Variants in MYO3B observed in about 807,000 individuals in gnomAD.
MYO3B encodes the protein myosin IIIB.
MYO3B carries 156 observed loss-of-function variants against 174.6 expected under a neutral mutation model. The observed-to-expected ratio is 0.89, with a 90% confidence interval of 0.78 to 1.02. The LOEUF (loss-of-function observed/expected upper bound fraction) is 1.02, where lower values mean the gene tolerates loss of function less well. MYO3B is among the 50% of genes least tolerant of loss of function. The probability of loss-of-function intolerance (pLI) is 0.00; values close to 1 mark genes in which losing one functional copy is unlikely to be tolerated. For synonymous variants in MYO3B, 563 were observed against 569.1 expected, an observed-to-expected ratio of 0.99 and a Z score of 0.15; for missense variants, 1,632 against 1,639.4, an observed-to-expected ratio of 1.00 and a Z score of 0.08.
At chr2:170,519,972 CA>C (rs11315187) in intron 30 of MYO3B, 18,740 of 92,394 alleles carry the variant, frequency 0.2, 1,521 homozygotes, top group African/African-American at 0.36. Context: ...GACTCTGTCT[CA>C]AAAAAAAAAA....
chr2:170,565,027 A>G (rs531232392), intron 32 of MYO3B, among the ~76,000 whole-genome samples: 6 of 152,320 alleles, frequency 3.9e-5, no homozygotes, highest in Non-Finnish European at 8.8e-5. Context: ...CTCCTTTAGA[A>G]AGAAATTGAC....
intron 21 of MYO3B, among the ~76,000 whole-genome samples, chr2:170,406,850 T>C (rs1453934283): frequency 1.3e-5 from 2 of 152,194 alleles, no homozygotes; most frequent in African/African-American, 4.8e-5. Context: ...CTGGATCCCC[T>C]CTGTTCTGAG....
At chr2:170,388,088 T>C (rs1417099772) in intron 14 of MYO3B, among the ~76,000 whole-genome samples, 1 of 152,020 alleles carries the variant, frequency 6.6e-6, no homozygotes, top group African/African-American at 2.4e-5. Context: ...GCTATTATTA[T>C]TATTGTAGGA....
At chr2:170,478,351 G>A (rs1685440620) in intron 25 of MYO3B, among the ~76,000 whole-genome samples, 1 of 152,026 alleles carries the variant, frequency 6.6e-6, no homozygotes, top group Non-Finnish European at 1.5e-5. Flanking sequence ...AAGAATACGG[G>A]ATGAATGAAT....
intron 32 of MYO3B, among the ~76,000 whole-genome samples, chr2:170,610,944 C>G (rs1435917051): frequency 5.9e-5 from 9 of 152,104 alleles, no homozygotes; most frequent in Non-Finnish European, 1.3e-4. Flanking sequence ...TTCTCCAAAG[C>G]TATACTATCA....
At chr2:170,237,317 C>A (rs1163924953) in intron 7 of MYO3B, among the ~76,000 whole-genome samples, 1 of 151,948 alleles carries the variant, frequency 6.6e-6, no homozygotes, top group Non-Finnish European at 1.5e-5. Flanking sequence ...TTTTTTTTTA[C>A]AAATGGTTTA....
chr2:170,319,725 C>T (rs2093801757), intron 7 of MYO3B, among the ~76,000 whole-genome samples: 1 of 152,126 alleles, frequency 6.6e-6, no homozygotes, highest in Non-Finnish European at 1.5e-5. Flanking sequence ...GAGACCTTTA[C>T]ACATCCTAGT....
intron 23 of MYO3B, among the ~76,000 whole-genome samples, chr2:170,446,710 T>C (rs1264812126): frequency 6.6e-6 from 1 of 152,102 alleles, no homozygotes; most frequent in South Asian, 2.1e-4. Context: ...GCTCTGTAAG[T>C]GTGGGGGAAA....
intron 30 of MYO3B, among the ~76,000 whole-genome samples, chr2:170,532,227 C>G (rs1029306370): frequency 6.6e-6 from 1 of 152,144 alleles, no homozygotes; most frequent in Non-Finnish European, 1.5e-5. Flanking sequence ...ATAGAGGGAG[C>G]CTTTACAAAA....
intron 7 of MYO3B, among the ~76,000 whole-genome samples, chr2:170,333,271 GCTCAGTCAAACTAGGA>G (rs929830157): frequency 3.3e-5 from 5 of 152,162 alleles, no homozygotes; most frequent in Non-Finnish European, 5.9e-5. Flanking sequence ...AGTAAGAACT[GCTCAGTCAAACTAGGA>G]CTGAAGCTGA....
intron 25 of MYO3B, among the ~76,000 whole-genome samples, chr2:170,487,816 A>G (rs2106033173): frequency 6.6e-6 from 1 of 152,346 alleles, no homozygotes; most frequent in South Asian, 2.1e-4. Flanking sequence ...GTAAAAATGC[A>G]GGAGCAGAAT....
chr2:170,310,442 C>T (rs1193388725), intron 7 of MYO3B, among the ~76,000 whole-genome samples: 3 of 152,036 alleles, frequency 2.0e-5, no homozygotes, highest in Non-Finnish European at 2.9e-5. Flanking sequence ...GCGGGCGGAT[C>T]ACCCGAGGTC....
intron 32 of MYO3B, among the ~76,000 whole-genome samples, chr2:170,638,603 T>C (rs547570136): frequency 6.6e-6 from 1 of 152,316 alleles, no homozygotes; most frequent in Admixed American, 6.5e-5. Flanking sequence ...TTAAAGGGCC[T>C]CTGGGCTAAT....
chr2:170,344,069 TC>T (rs2093997302), intron 8 of MYO3B: 1 of 152,278 alleles, frequency 6.6e-6, no homozygotes, highest in Non-Finnish European at 1.5e-5. Context: ...AAATACGATT[TC>T]CATTCCGTGG....
intron 32 of MYO3B, among the ~76,000 whole-genome samples, chr2:170,576,127 G>A (rs1692767005): frequency 6.6e-6 from 1 of 152,108 alleles, no homozygotes; most frequent in African/African-American, 2.4e-5. Context: ...CTATATTAGA[G>A]AACTGAAAAA....
chr2:170,552,380 A>G (rs1690979536), intron 32 of MYO3B, among the ~76,000 whole-genome samples: 1 of 152,186 alleles, frequency 6.6e-6, no homozygotes, highest in Non-Finnish European at 1.5e-5. Context: ...ACTTACTGGG[A>G]GCTGCAGTAA....
At chr2:170,299,053 C>A (rs2093647432) in intron 7 of MYO3B, among the ~76,000 whole-genome samples, 1 of 152,300 alleles carries the variant, frequency 6.6e-6, no homozygotes, top group Non-Finnish European at 1.5e-5. Flanking sequence ...CACACAAGGA[C>A]AGAATTGCCT....
rs575839720 is a variant in MYO3B, at chr2:170,389,168, C to T, written c.1577+1860C>T. ...AACATGGGCATAATAATGTCAACCT[C>T]ACAAGGCTGTTATGAGAATTAAATG... On this transcript the variant is annotated intron_variant, in intron 14 of 34. Transcript: ENST00000408978. Among the ~76,000 whole-genome samples, 24 of 152,336 alleles carry T rather than the reference C, an allele frequency of 1.6e-4. 1 individual carries two copies. Among genetic ancestry groups the T allele is most frequent in the East Asian group, 1.9e-4 (1 of 5,186 alleles).
chr2:170,406,941 G>A (rs1463861241), intron 21 of MYO3B, among the ~76,000 whole-genome samples: 1 of 152,052 alleles, frequency 6.6e-6, no homozygotes, highest in African/African-American at 2.4e-5. Flanking sequence ...ACTTAAAGTG[G>A]TTGTGAGCAT....
Sources: gnomAD v4.1 joint callset for allele counts (sites outside exome capture counted in the v4.1 genomes callset) on GRCh38, gnomAD v4.1.1 for gene constraint, MANE v1.5 for transcripts, NCBI Gene and HGNC (gene_info 2026-07-23, HGNC 2026-07-21) for gene names.